The following WDR33 variants were observed in gnomAD, a reference collection of about 807,000 sequenced individuals.
The protein encoded by WDR33 is pre-mRNA 3' end processing protein WDR33.
Under a neutral mutation model 164.9 loss-of-function variants are expected in WDR33, and 47 were observed. The observed-to-expected ratio is 0.29, with a 90% CI of 0.23 to 0.36. The LOEUF (loss-of-function observed/expected upper bound fraction) is 0.36, where lower values mean the gene tolerates loss of function less well. Ranked by LOEUF, WDR33 falls within the 10% of genes least tolerant of loss-of-function variation. The probability of loss-of-function intolerance (pLI) is 1.00; values close to 1 mark genes in which losing one functional copy is unlikely to be tolerated. For missense variants in WDR33, 1,137 were observed against 1,754.1 expected (o/e 0.65, Z 6.28); for synonymous variants, 505 against 589.0 (o/e 0.86, Z 2.06).
At chr2:127,802,232 T>TCAAGTGTCACAAGCATATACAG (rs1689274794) in intron 1 of WDR33, among the ~76,000 whole-genome samples, 1 of 150,354 alleles carries the variant, frequency 6.7e-6, no homozygotes, top group African/African-American at 2.5e-5. Flanking sequence ...AAAAAAAAAA[T>TCAAGTGTCACAAGCATATACAG]CAAGTGTCAC....
chr2:127,733,686 T>C (rs574686947), intron 7 of WDR33, among the ~76,000 whole-genome samples: 42 of 152,192 alleles, frequency 2.8e-4, no homozygotes, highest in African/African-American at 1.0e-3. Context: ...AGGAGAGATA[T>C]AGAATACTTC....
intron 17 of WDR33, among the ~76,000 whole-genome samples, chr2:127,715,047 C>A (rs1686265266): frequency 6.6e-6 from 1 of 151,916 alleles, no homozygotes; most frequent in African/African-American, 2.4e-5. Context: ...TCTCACCTCC[C>A]CCGCAACAGC....
intron 7 of WDR33, among the ~76,000 whole-genome samples, chr2:127,756,676 C>A (rs1687529951): frequency 6.6e-6 from 1 of 152,076 alleles, no homozygotes; most frequent in Non-Finnish European, 1.5e-5. Context: ...AATTATAGAA[C>A]AGACAACTAC....
At chr2:127,778,710 T>G (rs1487215542) in intron 1 of WDR33, among the ~76,000 whole-genome samples, 1 of 151,958 alleles carries the variant, frequency 6.6e-6, no homozygotes, top group Non-Finnish European at 1.5e-5. Flanking sequence ...CTGAGTAAAG[T>G]GAGGGAGGCA....
intron 7 of WDR33, among the ~76,000 whole-genome samples, chr2:127,750,663 AAAAAAAAAAAAAAAAT>A (rs1222168371): frequency 1.5e-5 from 1 of 65,988 alleles, no homozygotes; most frequent in East Asian, 3.9e-4. Flanking sequence ...AAAAAAAAAA[AAAAAAAAAAAAAAAAT>A]ATATATATAT....
chr2:127,776,212 CAG>C (rs1223492655), intron 1 of WDR33, among the ~76,000 whole-genome samples: 1 of 152,122 alleles, frequency 6.6e-6, no homozygotes, highest in African/African-American at 2.4e-5. Flanking sequence ...CATGTGAGGA[CAG>C]AGAGAGAAGA....
In WDR33 at chr2:127,737,264, G is replaced by A. The variant is rs942674382; in HGVS notation, c.725-10487C>T. On this transcript the variant is annotated intron_variant, in intron 7 of 21. Coordinates refer to ENST00000322313, the MANE Select transcript of WDR33 (RefSeq NM_018383.5). ...AACACCAATATCATAGAGAACATCA[G>A]CCATTTGTCTGAGACGGGAGATACC... The A allele has an allele frequency of 1.2e-5, 12 of 985,204 alleles. No individual in the cohort carries two copies. In the Admixed American group the frequency reaches 5.5e-4, roughly 45 times the overall value. The allele number at this position is 985,204 out of a possible 1,614,324, so 61.0% of individuals were successfully genotyped here.
At chr2:127,781,797 G>A (rs1480028421) in intron 1 of WDR33, among the ~76,000 whole-genome samples, 1 of 150,692 alleles carries the variant, frequency 6.6e-6, no homozygotes, top group African/African-American at 2.4e-5. Context: ...TCGGGAGTTT[G>A]AGACTAGCCT....
In WDR33 at chr2:127,701,498, GC is replaced by G; in HGVS notation, c.*4824del. ...AGCGGAGGGCCGGAAGTGAGCCGCA[GC>G]TTTTCCTTTCTGCCACCGCCTTGTC... On this transcript the variant is annotated 3_prime_UTR_variant, in exon 22 of 22. Transcript: ENST00000322313. 7.8e-7 allele frequency: 1 copy of G among 1,278,214 alleles called. No homozygotes were observed. Among genetic ancestry groups the G allele is most frequent in the Non-Finnish European group, 9.9e-7 (1 of 1,009,460 alleles). 79.2% of individuals were successfully genotyped at this position (1,278,214 alleles called of 1,614,324 possible). A position where few individuals can be genotyped will look rare whatever the true frequency, so the allele number is the denominator to read the frequency against.
At chr2:127,787,437 G>C (rs1437074934) in intron 1 of WDR33, among the ~76,000 whole-genome samples, 3,289 of 121,274 alleles carry the variant, frequency 0.027, 74 homozygotes, top group African/African-American at 0.035. Context: ...GGGGTGGCCG[G>C]GCAGAGGCGC....
intron 4 of WDR33, 47 bp from the exon 5 acceptor site, chr2:127,765,316 T>TTTTGAAAAACATATTAAAGGTA (rs1187186057): frequency 2.1e-6 from 3 of 1,409,396 alleles, no homozygotes; most frequent in Non-Finnish European, 3.0e-6. Context: ...ACTTCACTAA[T>TTTTGAAAAACATATTAAAGGTA]TTTGAAAAAC....
At chr2:127,768,640 T>C (rs1360399886) in intron 3 of WDR33, among the ~76,000 whole-genome samples, 1 of 152,148 alleles carries the variant, frequency 6.6e-6, no homozygotes, top group African/African-American at 2.4e-5. Flanking sequence ...TTTTAAGAAA[T>C]TTAAAATTAA....
chr2:127,788,358 C>T (rs1688688509), intron 1 of WDR33, among the ~76,000 whole-genome samples: 2 of 117,018 alleles, frequency 1.7e-5, no homozygotes, highest in African/African-American at 3.6e-5. Context: ...CCTCACTTCC[C>T]AGTAGGGGCG....
At chr2:127,767,452 G>A (rs142098034) in intron 4 of WDR33, among the ~76,000 whole-genome samples, 13,701 of 152,200 alleles carry the variant, frequency 0.09, 663 homozygotes, top group Middle Eastern at 0.16. Context: ...GGTGGCTCAT[G>A]CCTGTAATCC....
chr2:127,731,729 G>T (rs1207606848), intron 7 of WDR33, among the ~76,000 whole-genome samples: 1 of 152,146 alleles, frequency 6.6e-6, no homozygotes, highest in Admixed American at 6.6e-5. Context: ...AGATTAGAAT[G>T]TATTTATTTG....
chr2:127,743,412 A>T (rs1011239747), intron 7 of WDR33, among the ~76,000 whole-genome samples: 2 of 152,146 alleles, frequency 1.3e-5, no homozygotes, highest in Admixed American at 1.3e-4. Flanking sequence ...AAGCAGAACA[A>T]CTTTTCATTA....
At chr2:127,788,091 C>A (rs1324127070) in intron 1 of WDR33, among the ~76,000 whole-genome samples, 6 of 93,816 alleles carry the variant, frequency 6.4e-5, no homozygotes, top group South Asian at 4.1e-4. Flanking sequence ...ACCTCCCTCC[C>A]GGACGGGGCG....
At chr2:127,725,305 T>G in intron 8 of WDR33, 90 bp from the exon 9 acceptor site, 1 of 1,324,038 alleles carries the variant, frequency 7.6e-7, no homozygotes, top group South Asian at 1.5e-5. Flanking sequence ...TTAATCAAGA[T>G]GGCAAGAGGT....
chr2:127,701,579 TG>T lies in WDR33; in HGVS notation c.*4743del. On this transcript the variant is annotated 3_prime_UTR_variant, in exon 22 of 22. Coordinates refer to ENST00000322313, the MANE Select transcript of WDR33 (RefSeq NM_018383.5). ...AGGAGTACCTGGCGCAGGGGAAAGCTGGCGGCCCGGCGGCCGCGGAGCCGCT... is the reference window on the plus strand; with the variant it reads ...AGGAGTACCTGGCGCAGGGGAAAGCTGCGGCCCGGCGGCCGCGGAGCCGCT... 7.4e-7 allele frequency: 1 copy of T among 1,342,730 alleles called. No individual in the cohort carries two copies. The highest frequency in any genetic ancestry group is 1.8e-5 in the South Asian group (1 of 56,416). The allele number at this position is 1,342,730 out of a possible 1,614,324, so 83.2% of individuals were successfully genotyped here. A position where few individuals can be genotyped will look rare whatever the true frequency, so the allele number is the denominator to read the frequency against.
Sources: allele counts gnomAD v4.1 joint callset (sites outside exome capture counted in the v4.1 genomes callset), GRCh38; gene constraint gnomAD v4.1.1; transcripts MANE v1.5; gene names NCBI Gene and HGNC (gene_info 2026-07-23, HGNC 2026-07-21).